The following DPYSL3 variants were observed in gnomAD, a reference collection of about 807,000 sequenced individuals.
The protein encoded by DPYSL3 is dihydropyrimidinase-related protein 3.
Under a neutral mutation model 66.1 loss-of-function variants are expected in DPYSL3, and 16 were observed. The ratio of observed to expected loss-of-function variants is 0.24; its 90% CI spans 0.16 to 0.37. The LOEUF (loss-of-function observed/expected upper bound fraction) is 0.37, where lower values mean the gene tolerates loss of function less well. Ranked by LOEUF, DPYSL3 falls within the 10% of genes least tolerant of loss-of-function variation. DPYSL3 has a pLI of 1.00. For synonymous variants in DPYSL3, 338 were observed against 345.1 expected (o/e 0.98, Z 0.23); for missense variants, 738 against 916.2 (o/e 0.81, Z 2.51).
chr5:147,488,019 CACTA>C (rs1753361694), intron 1 of DPYSL3, among the ~76,000 whole-genome samples: 1 of 152,212 alleles, frequency 6.6e-6, no homozygotes, highest in Admixed American at 6.5e-5. Context: ...AACCATTATT[CACTA>C]ACTGTTTTTT....
At chr5:147,430,091 G>A (rs565814311) in intron 1 of DPYSL3, among the ~76,000 whole-genome samples, 3 of 152,048 alleles carry the variant, frequency 2.0e-5, no homozygotes, top group South Asian at 2.1e-4. Context: ...GAATGAAAGA[G>A]AGAGGAACAA....
At chr5:147,452,485 T>C (rs946918167) in intron 1 of DPYSL3, among the ~76,000 whole-genome samples, 5 of 151,176 alleles carry the variant, frequency 3.3e-5, no homozygotes, top group South Asian at 2.1e-4. Context: ...CAATTCACTA[T>C]AGACAAAGCA....
intron 1 of DPYSL3, among the ~76,000 whole-genome samples, chr5:147,482,392 C>T (rs1753264272): frequency 6.6e-6 from 1 of 152,152 alleles, no homozygotes; most frequent in African/African-American, 2.4e-5. Context: ...AATTATGACA[C>T]CAAATCCCAT....
At chr5:147,455,793 T>C (rs1409130569) in intron 1 of DPYSL3, among the ~76,000 whole-genome samples, 2 of 152,196 alleles carry the variant, frequency 1.3e-5, no homozygotes, top group East Asian at 3.8e-4. Flanking sequence ...TGCCTTTTTT[T>C]TTAATTTTAC....
At chr5:147,469,104 C>A (rs897357152) in intron 1 of DPYSL3, among the ~76,000 whole-genome samples, 3 of 152,216 alleles carry the variant, frequency 2.0e-5, no homozygotes, top group Admixed American at 6.5e-5. Context: ...ACCACTGGGG[C>A]ACCCTCAAGC....
Position 147,509,626 on chromosome 5 carries a change from C to T in DPYSL3, c.233G>A (p.Arg78Gln). The T allele has an allele frequency of 6.5e-7, 1 of 1,535,624 alleles. No homozygotes were observed. Among genetic ancestry groups the T allele is most frequent in the Non-Finnish European group, 8.7e-7 (1 of 1,146,638 alleles). Residue 78 changes from arginine (R) to glutamine (Q), a missense_variant, in exon 1 of 14, where the codon CGG becomes CAG. Coordinates refer to ENST00000343218, the MANE Select transcript of DPYSL3 (RefSeq NM_001197294.2). The surrounding 1 kb of genome is among the most constrained non-coding windows in gnomAD (Gnocchi z 5.3). ...CGGGGTGTCCCCCTCGATCCCGGGC[C>T]GACTCCCCGATCCTCGGTCGCTGCC... ...GQGSDRGSGS[R>Q]PGIEGDTPRR... is the part of the protein sequence containing the mutation.
intron 12 of DPYSL3, 92 bp downstream of exon 12, chr5:147,397,574 A>G: frequency 2.3e-6 from 3 of 1,313,572 alleles, no homozygotes; most frequent in Non-Finnish European, 3.2e-6. Context: ...GAGAGTCTAG[A>G]GATCACAGTG....
chr5:147,415,029 G>A (rs1167243906), intron 4 of DPYSL3, among the ~76,000 whole-genome samples: 2 of 152,132 alleles, frequency 1.3e-5, no homozygotes. Context: ...CTGTATGTGG[G>A]GGGGAGGGGT....
chr5:147,441,887 C>T (rs977172905), intron 1 of DPYSL3, among the ~76,000 whole-genome samples: 2 of 152,128 alleles, frequency 1.3e-5, no homozygotes, highest in African/African-American at 2.4e-5. Flanking sequence ...ACAAACAGAA[C>T]ATACCTTCTT....
At chr5:147,442,101 C>T (rs1267842563) in intron 1 of DPYSL3, among the ~76,000 whole-genome samples, 5 of 152,134 alleles carry the variant, frequency 3.3e-5, no homozygotes, top group Admixed American at 1.3e-4. Flanking sequence ...ATTCGCTTTG[C>T]GGGAAAAAGT....
intron 5 of DPYSL3, among the ~76,000 whole-genome samples, chr5:147,413,170 T>C (rs1042120964): frequency 7.2e-5 from 11 of 152,170 alleles, no homozygotes; most frequent in African/African-American, 2.7e-4. Flanking sequence ...TCTGAAAACA[T>C]AGCCTCTGTC....
intron 1 of DPYSL3, among the ~76,000 whole-genome samples, chr5:147,494,261 G>T (rs1203813074): frequency 1.3e-5 from 2 of 152,070 alleles, no homozygotes; most frequent in Non-Finnish European, 2.9e-5. Context: ...TAAAAAAGAA[G>T]AAATATCTAA....
intron 1 of DPYSL3, chr5:147,453,842 GT>G: frequency 1.0e-6 from 1 of 990,776 alleles, no homozygotes; most frequent in Non-Finnish European, 1.3e-6. Context: ...TCACGCCCGG[GT>G]TTTGTTTTTT....
intron 4 of DPYSL3, 34 bp downstream of exon 4, chr5:147,415,675 A>G: frequency 1.9e-6 from 3 of 1,604,086 alleles, no homozygotes; most frequent in Non-Finnish European, 2.6e-6. Flanking sequence ...AGAAGAAGCT[A>G]AGAGAGGAGG....
At chr5:147,427,326 A>G (rs569077880) in intron 1 of DPYSL3, among the ~76,000 whole-genome samples, 1 of 152,342 alleles carries the variant, frequency 6.6e-6, no homozygotes, top group Non-Finnish European at 1.5e-5. Context: ...TAGTCCTGGA[A>G]CAATGTATCT....
chr5:147,504,823 A>G (rs539746151), intron 1 of DPYSL3, among the ~76,000 whole-genome samples: 1 of 152,328 alleles, frequency 6.6e-6, no homozygotes, highest in South Asian at 2.1e-4. Flanking sequence ...ATAGAAAGTT[A>G]TCAATAAAAA....
intron 6 of DPYSL3, among the ~76,000 whole-genome samples, chr5:147,409,921 C>A (rs189506076): frequency 1.3e-5 from 2 of 152,252 alleles, no homozygotes; most frequent in East Asian, 3.9e-4. Context: ...TAATAGAAAT[C>A]TCTAAAAGAG....
rs138267994 is a variant in DPYSL3, at chr5:147,435,466, T to C, written c.382-10503A>G. ...CACAACCAATCATTGGGAGAACCAA[T>C]GGTATCGATGCAAGAAATGCATCTC... On this transcript the variant is annotated intron_variant, in intron 1 of 13. Transcript: ENST00000343218. 8.7e-4 allele frequency among the ~76,000 whole-genome samples: 133 copies of C among 152,248 alleles called. 1 individual carries two copies. The highest frequency in any genetic ancestry group is 3.1e-3 in the African/African-American group (127 of 41,546).
At position 147,392,581 on chromosome 5, in the gene DPYSL3, TTCTTA is replaced by T. The variant is rs1427196387; in HGVS notation, c.*1449_*1453del. On this transcript the variant is annotated 3_prime_UTR_variant, in exon 14 of 14. Transcript: ENST00000343218. ...AAAATGAGCATCTTGGTTCTATAGA[TTCTTA>T]TCTTGCTCACAGGACTTGCTCCAAA... 1.3e-5 allele frequency: 2 copies of T among 152,220 alleles called. No individual in the cohort carries two copies. Among genetic ancestry groups the T allele is most frequent in the Non-Finnish European group, 2.9e-5 (2 of 68,040 alleles). The allele number at this position is 152,220 out of a possible 1,614,324, so 9.4% of individuals were successfully genotyped here.
Sources: gnomAD v4.1 joint callset for allele counts (sites outside exome capture counted in the v4.1 genomes callset) on GRCh38, gnomAD v4.1.1 for gene constraint, Gnocchi (gnomAD v3.1) non-coding constraint, MANE v1.5 for transcripts, NCBI Gene and HGNC (gene_info 2026-07-23, HGNC 2026-07-21) for gene names.